The following CNTNAP2 variants were observed in gnomAD, a reference collection of about 807,000 sequenced individuals.
CNTNAP2 encodes contactin-associated protein-like 2.
CNTNAP2 carries 98 observed loss-of-function variants against 155.2 expected under a neutral mutation model. That is an observed-to-expected ratio of 0.63 (90% confidence interval 0.54 to 0.75). CNTNAP2 has a LOEUF of 0.75. Among genes scored for constraint, CNTNAP2 ranks in the 30% least tolerant of loss-of-function variants. The pLI, the probability that CNTNAP2 is intolerant of heterozygous loss-of-function variation, is 0.00. For synonymous variants in CNTNAP2, 651 were observed against 631.2 expected, an observed-to-expected ratio of 1.03 and a Z score of -0.47; for missense variants, 1,727 against 1,688.1, an observed-to-expected ratio of 1.02 and a Z score of -0.40.
At chr7:148,330,880 G>C (rs1328724334) in intron 21 of CNTNAP2, among the ~76,000 whole-genome samples, 1 of 100,944 alleles carries the variant, frequency 9.9e-6, no homozygotes, top group African/African-American at 2.9e-5. Flanking sequence ...GGAGTGGCTG[G>C]ATGGAATGGA....
At chr7:146,307,853 G>T (rs904097058) in intron 1 of CNTNAP2, among the ~76,000 whole-genome samples, 5 of 151,018 alleles carry the variant, frequency 3.3e-5, no homozygotes, top group Admixed American at 6.6e-5. Flanking sequence ...AGACTTAAAT[G>T]TTAGACCTAA....
chr7:147,273,403 G>A (rs1024769390), intron 8 of CNTNAP2, among the ~76,000 whole-genome samples: 2 of 151,944 alleles, frequency 1.3e-5, no homozygotes, highest in Non-Finnish European at 2.9e-5. Flanking sequence ...GTGCAGGCTT[G>A]TTACCTGGAT....
At chr7:146,548,198 A>C (rs940696082) in intron 1 of CNTNAP2, among the ~76,000 whole-genome samples, 3 of 151,820 alleles carry the variant, frequency 2.0e-5, no homozygotes, top group African/African-American at 7.3e-5. Flanking sequence ...ACTCCCATTC[A>C]TAAGTGAGAA....
chr7:146,378,341 G>A lies in CNTNAP2; in HGVS notation c.97+261368G>A, dbSNP rs1795333359. ...CAGAGCTTCCCAGGTTAATTCTAATGTGCCAGCAAAGTTAAGAACCACTGC... is the reference window on the plus strand; with the variant it reads ...CAGAGCTTCCCAGGTTAATTCTAATATGCCAGCAAAGTTAAGAACCACTGC... On this transcript the variant is annotated intron_variant, in intron 1 of 23. Coordinates refer to ENST00000361727, the MANE Select transcript of CNTNAP2 (RefSeq NM_014141.6). Among the ~76,000 whole-genome samples the A allele has an allele frequency of 1.3e-5, 2 of 152,248 alleles. 1 individual carries two copies. Among genetic ancestry groups the A allele is most frequent in the Middle Eastern group, 6.8e-3 (2 of 294 alleles).
chr7:148,228,746 T>C (rs906590766), intron 19 of CNTNAP2, among the ~76,000 whole-genome samples: 1 of 147,526 alleles, frequency 6.8e-6, no homozygotes, highest in Non-Finnish European at 1.5e-5. Context: ...GAGAATGGCG[T>C]GAACCCGGGA....
chr7:146,185,103 G>A (rs1195782002), intron 1 of CNTNAP2, among the ~76,000 whole-genome samples: 2 of 151,958 alleles, frequency 1.3e-5, no homozygotes, highest in South Asian at 2.1e-4. Context: ...AGTTTCCCAG[G>A]CCAATCCATA....
intron 13 of CNTNAP2, among the ~76,000 whole-genome samples, chr7:147,655,471 TG>T (rs202188042): frequency 0.017 from 2,528 of 152,354 alleles, 221 homozygotes; most frequent in Admixed American, 0.15. Context: ...CCTTTGTCCA[TG>T]GGCAATAGAA....
chr7:146,885,392 G>C (rs1795635648), intron 3 of CNTNAP2, among the ~76,000 whole-genome samples: 1 of 152,024 alleles, frequency 6.6e-6, no homozygotes, highest in African/African-American at 2.4e-5. Context: ...ATAATATAGG[G>C]GAATGTCACA....
At chr7:148,361,730 A>G (rs1798625060) in intron 21 of CNTNAP2, among the ~76,000 whole-genome samples, 1 of 152,244 alleles carries the variant, frequency 6.6e-6, no homozygotes, top group Non-Finnish European at 1.5e-5. Context: ...TGCTATGAAG[A>G]AATGCCCAAG....
chr7:148,369,181 CTTTTTTTTTTTTTTTT>C (rs376460265), intron 21 of CNTNAP2, among the ~76,000 whole-genome samples: 10 of 92,306 alleles, frequency 1.1e-4, no homozygotes, highest in African/African-American at 4.7e-4. Context: ...AATTGAATCC[CTTTTTTTTTTTTTTTT>C]TTTTTTTTTT....
At chr7:146,139,043 A>T (rs1649147781) in intron 1 of CNTNAP2, among the ~76,000 whole-genome samples, 1 of 152,144 alleles carries the variant, frequency 6.6e-6, no homozygotes, top group African/African-American at 2.4e-5. Context: ...AAACATGCTC[A>T]GAACACTGAC....
intron 11 of CNTNAP2, among the ~76,000 whole-genome samples, chr7:147,545,933 A>G (rs1435263892): frequency 6.6e-6 from 1 of 152,128 alleles, no homozygotes; most frequent in African/African-American, 2.4e-5. Flanking sequence ...ATGGTTTTAT[A>G]AGGGGTTTCC....
intron 5 of CNTNAP2, among the ~76,000 whole-genome samples, chr7:147,109,807 C>T (rs143437028): frequency 3.8e-4 from 58 of 152,102 alleles, no homozygotes; most frequent in African/African-American, 1.2e-3. Context: ...TAACTGTTAA[C>T]TAGAAAGAAA....
chr7:147,820,895 G>C (rs1798350108), intron 13 of CNTNAP2, among the ~76,000 whole-genome samples: 1 of 152,070 alleles, frequency 6.6e-6, no homozygotes, highest in Non-Finnish European at 1.5e-5. Flanking sequence ...CAGTGTTACA[G>C]TACCTTCATT....
At chr7:147,576,870 T>A (rs1276461132) in intron 12 of CNTNAP2, among the ~76,000 whole-genome samples, 2 of 152,016 alleles carry the variant, frequency 1.3e-5, no homozygotes, top group Admixed American at 6.6e-5. Context: ...CCCTATGAAG[T>A]GTGGGTTTTG....
chr7:148,306,455 C>A (rs531427880), intron 21 of CNTNAP2, among the ~76,000 whole-genome samples: 2 of 152,094 alleles, frequency 1.3e-5, no homozygotes, highest in Admixed American at 6.6e-5. Flanking sequence ...ATGGACTGAT[C>A]TGTTATTTTC....
At chr7:146,536,899 A>G (rs1797877872) in intron 1 of CNTNAP2, among the ~76,000 whole-genome samples, 1 of 152,154 alleles carries the variant, frequency 6.6e-6, no homozygotes, top group African/African-American at 2.4e-5. Flanking sequence ...ATAGTTCAAA[A>G]GCATATTTTA....
intron 3 of CNTNAP2, among the ~76,000 whole-genome samples, chr7:146,997,346 C>T (rs1798330864): frequency 6.6e-6 from 1 of 151,992 alleles, no homozygotes; most frequent in South Asian, 2.1e-4. Context: ...TTTTTGTTGT[C>T]CACTCTGTTA....
At chr7:147,642,401 A>G (rs1326752515) in intron 13 of CNTNAP2, among the ~76,000 whole-genome samples, 3 of 152,188 alleles carry the variant, frequency 2.0e-5, no homozygotes, top group Non-Finnish European at 4.4e-5. Context: ...CAGGAGAATT[A>G]GACTAGAGGT....
Sources: allele counts gnomAD v4.1 joint callset (sites outside exome capture counted in the v4.1 genomes callset), GRCh38; gene constraint gnomAD v4.1.1; transcripts MANE v1.5; gene names NCBI Gene and HGNC (gene_info 2026-07-23, HGNC 2026-07-21).